The following DHX35 variants were observed in gnomAD, a reference collection of about 807,000 sequenced individuals.
DHX35 encodes probable ATP-dependent RNA helicase DHX35.
DHX35 carries 84 observed loss-of-function variants against 99.6 expected under a neutral mutation model. The observed-to-expected ratio is 0.84, with a 90% confidence interval of 0.71 to 1.01. The LOEUF (loss-of-function observed/expected upper bound fraction) is 1.01, where lower values mean the gene tolerates loss of function less well. Ranked by LOEUF, DHX35 falls within the 50% of genes least tolerant of loss-of-function variation. DHX35 has a pLI of 0.00. For missense variants in DHX35, 852 were observed against 888.5 expected, an observed-to-expected ratio of 0.96 and a Z score of 0.52; for synonymous variants, 331 against 316.2, an observed-to-expected ratio of 1.05 and a Z score of -0.50.
chr20:38,962,647 T>C (rs2085851025), intron 1 of DHX35: 3 of 539,254 alleles, frequency 5.6e-6, no homozygotes, highest in Non-Finnish European at 9.9e-6. Context: ...TCCAGCCTCC[T>C]CAGGCCTCGT....
intron 1 of DHX35, among the ~76,000 whole-genome samples, chr20:38,965,878 A>G (rs2085902850): frequency 6.6e-6 from 1 of 152,214 alleles, no homozygotes; most frequent in African/African-American, 2.4e-5. Context: ...TTTGATAAAT[A>G]TTTCATGATT....
At chr20:39,030,240 A>G (rs143142572) in intron 19 of DHX35, 4,186 of 154,948 alleles carry the variant, frequency 0.027, 80 homozygotes, top group Middle Eastern at 0.053. Flanking sequence ...TGGCCTCCCA[A>G]AGTGCTGGGA....
At chr20:39,023,895 T>C in intron 17 of DHX35, 128 bp downstream of exon 17, 1 of 749,796 alleles carries the variant, frequency 1.3e-6, no homozygotes, top group Non-Finnish European at 2.2e-6. Flanking sequence ...TCCTGTTAGA[T>C]TTATTGCCAG....
rs201971902 is a variant in DHX35, at chr20:39,001,828, C to T, written c.741C>T (p.Ile247=). The T allele has an allele frequency of 6.2e-7, 1 of 1,610,768 alleles. No individual in the cohort carries two copies. The highest frequency in any genetic ancestry group is 2.2e-5 in the East Asian group (1 of 44,820). The change falls in exon 9 of 22, where the codon ATC becomes ATT. Residue 247 remains isoleucine (I), a synonymous_variant. Coordinates refer to ENST00000252011, the MANE Select transcript of DHX35 (RefSeq NM_021931.4). Reference sequence around the variant, plus strand: ...AAGGGAGAACATTTCCGGTGGATATCTTTTATCTACAAAGGTTTGATGATG... The same window carrying T: ...AAGGGAGAACATTTCCGGTGGATATTTTTTATCTACAAAGGTTTGATGATG... ...TVEGRTFPVD[I]FYLQSPVPDY...
At chr20:39,038,001 A>G (rs7268097) in intron 21 of DHX35, among the ~76,000 whole-genome samples, 55,462 of 151,980 alleles carry the variant, frequency 0.36, 10,585 homozygotes, top group Middle Eastern at 0.51. Context: ...GGCAGAGGCC[A>G]TATCTTTATC....
intron 12 of DHX35, among the ~76,000 whole-genome samples, chr20:39,009,661 C>T (rs957491578): frequency 6.6e-6 from 1 of 152,114 alleles, no homozygotes; most frequent in African/African-American, 2.4e-5. Context: ...GTCTCTTCTC[C>T]TTCCCCCTCC....
intron 1 of DHX35, 23 bp downstream of exon 1, chr20:38,962,430 G>T: frequency 6.2e-7 from 1 of 1,610,086 alleles, no homozygotes. Flanking sequence ...GTGGAACGCT[G>T]GGCAGATGCG....
chr20:39,033,670 G>A lies in DHX35; in HGVS notation c.1956-536G>A, dbSNP rs570318960. The stretch of plus-strand genomic sequence containing the variant: ...CTGGATGTTATGCTCTTGGCTCTTC[G>A]GTTGTCTATTACCTGAGCCTTAGAA... On this transcript the variant is annotated intron_variant, in intron 20 of 21. Coordinates refer to ENST00000252011, the MANE Select transcript of DHX35 (RefSeq NM_021931.4). Among the ~76,000 whole-genome samples the A allele has an allele frequency of 3.9e-5, 6 of 152,200 alleles. No individual in the cohort carries two copies. In the South Asian group the frequency reaches 8.3e-4, roughly 21 times the overall value.
At chr20:39,028,285 C>T in intron 18 of DHX35, 133 bp from the exon 19 acceptor site, 1 of 834,740 alleles carries the variant, frequency 1.2e-6, no homozygotes, top group Non-Finnish European at 2.0e-6. Flanking sequence ...GGGCTGGAGC[C>T]ATTTCAGGAG....
At chr20:38,980,895 C>T (rs1179132986) in intron 3 of DHX35, among the ~76,000 whole-genome samples, 1 of 152,086 alleles carries the variant, frequency 6.6e-6, no homozygotes, top group Non-Finnish European at 1.5e-5. Flanking sequence ...CTAGGTTGTG[C>T]GAATTCCTCA....
At chr20:39,005,130 A>G (rs889149098) in intron 11 of DHX35, among the ~76,000 whole-genome samples, 5 of 152,236 alleles carry the variant, frequency 3.3e-5, no homozygotes, top group African/African-American at 1.2e-4. Flanking sequence ...ATTTTATAAA[A>G]TGATCATTTA....
At chr20:38,984,930 G>A (rs1056836124) in intron 4 of DHX35, among the ~76,000 whole-genome samples, 1 of 150,348 alleles carries the variant, frequency 6.7e-6, no homozygotes, top group Non-Finnish European at 1.5e-5. Context: ...AGAATGTTCA[G>A]TTGTGGTTTT....
intron 2 of DHX35, among the ~76,000 whole-genome samples, chr20:38,972,071 T>C (rs923432497): frequency 6.9e-6 from 1 of 145,404 alleles, no homozygotes; most frequent in Non-Finnish European, 1.5e-5. Flanking sequence ...TGCAGTGGCA[T>C]GGTCTCGCCT....
intron 3 of DHX35, among the ~76,000 whole-genome samples, chr20:38,975,478 A>G (rs973402906): frequency 1.3e-5 from 2 of 152,264 alleles, no homozygotes; most frequent in Admixed American, 1.3e-4. Flanking sequence ...CAATGACCCT[A>G]TGAAGCAAAT....
chr20:39,038,417 G>C, intron 21 of DHX35, 82 bp from the exon 22 acceptor site: 2 of 1,430,024 alleles, frequency 1.4e-6, no homozygotes, highest in Non-Finnish European at 2.0e-6. Context: ...GATTTGATGT[G>C]GTCATTCATA....
At chr20:39,028,004 C>T (rs1361584464) in intron 18 of DHX35, among the ~76,000 whole-genome samples, 1 of 152,188 alleles carries the variant, frequency 6.6e-6, no homozygotes, top group East Asian at 1.9e-4. Flanking sequence ...ACAGAAGTAA[C>T]GTTGTATACT....
At chr20:38,967,765 T>C (rs1316419074) in intron 1 of DHX35, among the ~76,000 whole-genome samples, 1 of 152,122 alleles carries the variant, frequency 6.6e-6, no homozygotes, top group Non-Finnish European at 1.5e-5. Context: ...AGCATGGCGG[T>C]TACTGAGAAT....
At chr20:39,003,981 A>C in intron 11 of DHX35, 74 bp downstream of exon 11, 1 of 1,549,574 alleles carries the variant, frequency 6.5e-7, no homozygotes, top group East Asian at 2.3e-5. Flanking sequence ...CTTGTTTTGA[A>C]ACTTGCTAAA....
At position 39,030,709 on chromosome 20, in the gene DHX35, T is replaced by C; in HGVS notation, c.1889T>C (p.Ile630Thr). The change falls in exon 20 of 22, where the codon ATC becomes ACC. Residue 630 changes from isoleucine to threonine, a missense_variant. Ile to Thr is a moderately conservative substitution (Grantham distance 89). Coordinates refer to ENST00000252011, the MANE Select transcript of DHX35 (RefSeq NM_021931.4). ...AAATTCTTCTATGTTCCAAGGACCATCCGTGATGACCATGAGCTGCACATA... is the reference window on the plus strand; with the variant it reads ...AAATTCTTCTATGTTCCAAGGACCACCCGTGATGACCATGAGCTGCACATA... ...RFHSTGAYRT[I>T]RDDHELHIHP... The C allele has an allele frequency of 6.2e-7, 1 of 1,614,060 alleles. No individual in the cohort carries two copies. The highest frequency in any genetic ancestry group is 8.5e-7 in the Non-Finnish European group (1 of 1,180,012).
Sources: gnomAD v4.1 joint callset for allele counts (sites outside exome capture counted in the v4.1 genomes callset) on GRCh38, gnomAD v4.1.1 for gene constraint, MANE v1.5 for transcripts, NCBI Gene and HGNC (gene_info 2026-07-23, HGNC 2026-07-21) for gene names.